PTPRD: variants seen among roughly 807,000 people sequenced by gnomAD.
PTPRD encodes the protein protein tyrosine phosphatase receptor type D.
PTPRD carries 34 observed loss-of-function variants against 214.5 expected under a neutral mutation model. The ratio of observed to expected loss-of-function variants is 0.16; its 90% CI spans 0.12 to 0.21. The LOEUF (loss-of-function observed/expected upper bound fraction) is 0.21, where lower values mean the gene tolerates loss of function less well. PTPRD is among the 10% of genes least tolerant of loss of function. PTPRD has a pLI of 1.00. For missense variants in PTPRD, 2,545 were observed against 2,398.7 expected (o/e 1.06, Z -1.27); for synonymous variants, 1,128 against 845.7 (o/e 1.33, Z -5.79).
chr9:10,344,007 T>TTTG, intron 2 of PTPRD, among the ~76,000 whole-genome samples: 1 of 139,488 alleles, frequency 7.2e-6, no homozygotes, highest in African/African-American at 2.7e-5. Context: ...TTTTTTTTTT[T>TTTG]GCTGTGCAGA....
chr9:8,507,573 G>C, intron 21 of PTPRD, 139 bp from the exon 22 acceptor site: 1 of 1,001,058 alleles, frequency 1.0e-6, no homozygotes, highest in Non-Finnish European at 1.5e-6. Flanking sequence ...CCTTTACCTT[G>C]TCCAAGTTAA....
intron 23 of PTPRD, 138 bp downstream of exon 23, chr9:8,504,123 C>G (rs2097485578): frequency 2.5e-6 from 2 of 800,288 alleles, no homozygotes; most frequent in Admixed American, 5.2e-5. Flanking sequence ...ACACTTTCAC[C>G]TGTGAAGTGT....
intron 2 of PTPRD, among the ~76,000 whole-genome samples, chr9:10,519,860 T>C (rs1449400407): frequency 6.6e-6 from 1 of 152,082 alleles, no homozygotes; most frequent in Non-Finnish European, 1.5e-5. Context: ...ATGTTATGTG[T>C]GTTCCGACTG....
chr9:9,460,736 G>A (rs1476202612), intron 8 of PTPRD, among the ~76,000 whole-genome samples: 2 of 152,038 alleles, frequency 1.3e-5, no homozygotes. Flanking sequence ...ATGGAAATTA[G>A]TTCAACCCCC....
rs144248327 is a variant in PTPRD at position 8,469,076 on chromosome 9, T to A, written c.3504+1919A>T. Among the ~76,000 whole-genome samples the A allele has an allele frequency of 6.7e-3, 1,022 of 152,074 alleles. 11 individuals carry two copies. The highest frequency in any genetic ancestry group is 0.023 in the African/African-American group (963 of 41,518). On this transcript the variant is annotated intron_variant, in intron 31 of 45. Coordinates refer to ENST00000381196, the MANE Select transcript of PTPRD (RefSeq NM_002839.4). Reference sequence around the variant, plus strand: ...AAACAACCCATCCCGACCCAAAAATTTTGAATTAATAAAATGTTCTTTATC... The same window carrying A: ...AAACAACCCATCCCGACCCAAAAATATTGAATTAATAAAATGTTCTTTATC...
chr9:9,118,453 A>G (rs1407526207), intron 10 of PTPRD, among the ~76,000 whole-genome samples: 1 of 152,150 alleles, frequency 6.6e-6, no homozygotes, highest in African/African-American at 2.4e-5. Context: ...GTACCCAGCA[A>G]CTTTTTAGTC....
chr9:8,578,684 T>C (rs1032482671), intron 14 of PTPRD, among the ~76,000 whole-genome samples: 1 of 152,172 alleles, frequency 6.6e-6, no homozygotes, highest in Non-Finnish European at 1.5e-5. Flanking sequence ...GGCAAAGTGT[T>C]TGAAATCAGG....
chr9:10,159,822 A>C (rs963297894), intron 3 of PTPRD, among the ~76,000 whole-genome samples: 1 of 152,070 alleles, frequency 6.6e-6, no homozygotes, highest in Non-Finnish European at 1.5e-5. Flanking sequence ...AGGGAAAAAA[A>C]AGATTGAAAA....
intron 7 of PTPRD, among the ~76,000 whole-genome samples, chr9:9,649,754 A>G (rs2096286098): frequency 6.6e-6 from 1 of 152,214 alleles, no homozygotes; most frequent in African/African-American, 2.4e-5. Context: ...AGATATATTT[A>G]CCTGATTATT....
intron 3 of PTPRD, among the ~76,000 whole-genome samples, chr9:10,037,579 GGAAAA>G (rs1321906831): frequency 5.0e-5 from 4 of 80,034 alleles, no homozygotes; most frequent in Admixed American, 2.9e-4. Flanking sequence ...TTATAGCAGT[GGAAAA>G]AAAAAAAAAA....
intron 10 of PTPRD, among the ~76,000 whole-genome samples, chr9:9,057,065 C>T (rs954976776): frequency 1.5e-4 from 23 of 152,106 alleles, no homozygotes; most frequent in Admixed American, 1.3e-3. Flanking sequence ...GATTAAATGC[C>T]CATGAGAAGC....
chr9:9,161,875 T>C (rs1463763385), intron 10 of PTPRD, among the ~76,000 whole-genome samples: 3 of 152,180 alleles, frequency 2.0e-5, no homozygotes, highest in African/African-American at 2.4e-5. Flanking sequence ...TATATTTAAA[T>C]TGACTAAATG....
At chr9:9,963,035 G>A (rs147556156) in intron 4 of PTPRD, among the ~76,000 whole-genome samples, 14 of 151,946 alleles carry the variant, frequency 9.2e-5, no homozygotes, top group African/African-American at 2.9e-4. Flanking sequence ...AGTATTTAAA[G>A]GTTATCTGAC....
At chr9:9,003,666 G>A (rs541298669) in intron 11 of PTPRD, among the ~76,000 whole-genome samples, 2 of 152,120 alleles carry the variant, frequency 1.3e-5, no homozygotes, top group East Asian at 3.9e-4. Context: ...GCTGAGCTGG[G>A]CTTTGATATC....
intron 5 of PTPRD, among the ~76,000 whole-genome samples, chr9:9,861,842 G>A (rs937266597): frequency 6.6e-6 from 1 of 152,122 alleles, no homozygotes; most frequent in African/African-American, 2.4e-5. Flanking sequence ...ATGTTTATAT[G>A]TAGAGGTATG....
At chr9:10,172,085 T>C (rs1328253067) in intron 3 of PTPRD, among the ~76,000 whole-genome samples, 2 of 152,194 alleles carry the variant, frequency 1.3e-5, no homozygotes, top group Admixed American at 6.5e-5. Flanking sequence ...ATGTTTACAC[T>C]GAATACCAAA....
intron 7 of PTPRD, among the ~76,000 whole-genome samples, chr9:9,617,848 A>T (rs1483433830): frequency 6.6e-6 from 1 of 151,686 alleles, no homozygotes; most frequent in Non-Finnish European, 1.5e-5. Context: ...AGAGGCGGGC[A>T]GATCACGAGG....
At chr9:9,961,615 T>A (rs939037809) in intron 4 of PTPRD, among the ~76,000 whole-genome samples, 1 of 152,118 alleles carries the variant, frequency 6.6e-6, no homozygotes, top group Admixed American at 6.6e-5. Flanking sequence ...AGTGATTACT[T>A]GACTGCCAGC....
chr9:9,687,636 G>GA lies in PTPRD; in HGVS notation c.-287+46896dup, dbSNP rs1031599252. Among the ~76,000 whole-genome samples, 929 of 146,218 alleles carry GA rather than the reference G, an allele frequency of 6.4e-3. 8 individuals carry two copies. Among genetic ancestry groups the GA allele is most frequent in the African/African-American group, 0.021 (847 of 39,942 alleles). On this transcript the variant is annotated intron_variant, in intron 7 of 45. Coordinates refer to ENST00000381196, the MANE Select transcript of PTPRD (RefSeq NM_002839.4). ...AACTTAAAGTATAATAATAAAAAAA[G>GA]AAAAAAAAAAGATTATGCAATCTTT...
Sources: gnomAD v4.1 joint callset for allele counts (sites outside exome capture counted in the v4.1 genomes callset) on GRCh38, gnomAD v4.1.1 for gene constraint, MANE v1.5 for transcripts, NCBI Gene and HGNC (gene_info 2026-07-23, HGNC 2026-07-21) for gene names.